Variants in CSRP3 observed in about 807,000 individuals in gnomAD.
The protein encoded by CSRP3 is cysteine and glycine-rich protein 3.
Under a neutral mutation model 24.3 loss-of-function variants are expected in CSRP3, and 24 were observed. The ratio of observed to expected loss-of-function variants is 0.99; its 90% confidence interval spans 0.71 to 1.39. The LOEUF is 1.39. Ranked by LOEUF, CSRP3 falls within the 40% of genes most tolerant of loss-of-function variation. The probability of loss-of-function intolerance (pLI) is 0.00; values close to 1 mark genes in which losing one functional copy is unlikely to be tolerated. For missense variants in CSRP3, 240 were observed against 249.0 expected (o/e 0.96, Z 0.24); for synonymous variants, 105 against 94.0 (o/e 1.12, Z -0.68).
intron 1 of CSRP3, among the ~76,000 whole-genome samples, chr11:19,197,558 T>TCTTA (rs1554968717): frequency 7.1e-6 from 1 of 141,492 alleles, no homozygotes; most frequent in Non-Finnish European, 1.5e-5. Flanking sequence ...TTTCTTTCTT[T>TCTTA]CTTTCTTTCT....
intron 4 of CSRP3, 87 bp downstream of exon 4, chr11:19,186,129 C>T: frequency 6.4e-7 from 1 of 1,557,864 alleles, no homozygotes; most frequent in South Asian, 1.1e-5. Flanking sequence ...ATGACAGCTG[C>T]TTGCAGCTCC....
chr11:19,184,404 G>A (rs928115315), intron 5 of CSRP3, among the ~76,000 whole-genome samples: 2 of 152,296 alleles, frequency 1.3e-5, no homozygotes, highest in Middle Eastern at 3.4e-3. Flanking sequence ...AGAGCTGCAA[G>A]GACCAGGAGG....
chr11:19,201,123 G>A (rs1386465863), intron 1 of CSRP3, among the ~76,000 whole-genome samples: 1 of 151,958 alleles, frequency 6.6e-6, no homozygotes, highest in South Asian at 2.1e-4. Context: ...TCACACCTAT[G>A]TCTGTCATTC....
rs773411006 is a variant in CSRP3 at position 19,186,337 on chromosome 11, G to A, written c.293C>T (p.Pro98Leu). ...GTTGCTGGTGGTAACTGAGCGTGCC[G>A]GCTTTGGGGACCTGTTGGAAATAGA... ...LGLQFQQSPK[P>L]ARSVTTSNPS... The change falls in exon 4 of 6, where the codon CCG becomes CTG. Residue 98 changes from proline to leucine, a missense_variant. Coordinates refer to ENST00000265968, the MANE Select transcript of CSRP3 (RefSeq NM_003476.5). 8.1e-6 allele frequency: 13 copies of A among 1,614,088 alleles called. No individual in the cohort carries two copies. Among genetic ancestry groups the A allele is most frequent in the Admixed American group, 3.3e-5 (2 of 60,006 alleles).
Position 19,182,595 on chromosome 11 carries a change from A to G in CSRP3, c.*75T>C. On this transcript the variant is annotated 3_prime_UTR_variant, in exon 6 of 6. Coordinates refer to ENST00000265968, the MANE Select transcript of CSRP3 (RefSeq NM_003476.5). ...ACTACAAAGGAGAGGCTATTTGGGG[A>G]AAGGTATCGATCTGTGCAGGATTAC... The G allele has an allele frequency of 8.5e-7, 1 of 1,182,816 alleles. No individual in the cohort carries two copies. Among genetic ancestry groups the G allele is most frequent in the East Asian group, 2.3e-5 (1 of 42,906 alleles). 73.3% of individuals were successfully genotyped at this position (1,182,816 alleles called of 1,614,324 possible). A position where few individuals can be genotyped will look rare whatever the true frequency, so the allele number is the denominator to read the frequency against.
At chr11:19,193,701 C>T (rs1328302056) in intron 1 of CSRP3, among the ~76,000 whole-genome samples, 1 of 152,030 alleles carries the variant, frequency 6.6e-6, no homozygotes, top group African/African-American at 2.4e-5. Flanking sequence ...ACCTGTAATC[C>T]CAGCTGCTTG....
At chr11:19,191,184 G>A (rs1214602251) in intron 2 of CSRP3, among the ~76,000 whole-genome samples, 3 of 152,206 alleles carry the variant, frequency 2.0e-5, no homozygotes, top group African/African-American at 7.2e-5. Flanking sequence ...AAATCTCAGT[G>A]AGTACATGGC....
intron 1 of CSRP3, among the ~76,000 whole-genome samples, chr11:19,194,189 A>C (rs1267498419): frequency 6.6e-6 from 1 of 152,192 alleles, no homozygotes; most frequent in Non-Finnish European, 1.5e-5. Flanking sequence ...TTTTGCTAAG[A>C]AACAGAAAGT....
chr11:19,188,139 T>G lies in CSRP3; in HGVS notation c.278A>C (p.Gln93Pro), dbSNP rs2133510956. ...GGGGAGCAGGGCAGTAACTCACTGT[T>G]GGAACTGCAGGCCGAGATGCTCGCC... ...DTGEHLGLQF[Q>P]QSPKPARSVT... The change falls in exon 3 of 6, where the codon CAA becomes CCA. Residue 93 changes from glutamine to proline, a missense_variant. Coordinates refer to ENST00000265968, the MANE Select transcript of CSRP3 (RefSeq NM_003476.5). 1 of 1,614,172 alleles carries G rather than the reference T, an allele frequency of 6.2e-7. No individual in the cohort carries two copies. The highest frequency in any genetic ancestry group is 8.5e-7 in the Non-Finnish European group (1 of 1,180,020).
intron 4 of CSRP3, among the ~76,000 whole-genome samples, 160 bp from the exon 5 acceptor site, chr11:19,185,205 T>C (rs934341274): frequency 3.3e-5 from 5 of 152,272 alleles, no homozygotes; most frequent in Admixed American, 1.3e-4. Context: ...GAAAATGAGA[T>C]GCTATGGCCT....
intron 1 of CSRP3, among the ~76,000 whole-genome samples, chr11:19,196,100 T>TA (rs1209006971): frequency 6.6e-6 from 1 of 152,028 alleles, no homozygotes; most frequent in Non-Finnish European, 1.5e-5. Flanking sequence ...CCATCTCTAC[T>TA]AAAAATACAA....
chr11:19,186,182 G>T, intron 4 of CSRP3, 34 bp downstream of exon 4: 1 of 1,614,072 alleles, frequency 6.2e-7, no homozygotes. Context: ...GTGGAGATGA[G>T]CAAATTCTGT....
At chr11:19,201,879 T>C (rs781622616) in intron 1 of CSRP3, 75 bp downstream of exon 1, 4 of 152,398 alleles carry the variant, frequency 2.6e-5, no homozygotes, top group African/African-American at 9.7e-5. Context: ...TCTTACTCTA[T>C]GGGACCCTTT....
chr11:19,182,834 A>C, intron 5 of CSRP3, 88 bp from the exon 6 acceptor site: 2 of 936,830 alleles, frequency 2.1e-6, no homozygotes, highest in Non-Finnish European at 1.8e-6. Context: ...CAGTCCTTTT[A>C]ATTATTAGAG....
At chr11:19,193,133 A>G (rs535293554) in intron 1 of CSRP3, among the ~76,000 whole-genome samples, 1 of 152,280 alleles carries the variant, frequency 6.6e-6, no homozygotes, top group African/African-American at 2.4e-5. Flanking sequence ...GAATATAATC[A>G]CCTAGGCTAT....
chr11:19,186,477 G>T, intron 3 of CSRP3, 129 bp from the exon 4 acceptor site: 1 of 1,193,170 alleles, frequency 8.4e-7, no homozygotes, highest in Non-Finnish European at 1.2e-6. Context: ...TGGGGATAAT[G>T]ATGGTGTCTT....
chr11:19,184,975 T>G lies in CSRP3; in HGVS notation c.485A>C (p.Lys162Thr). Residue 162 changes from lysine to threonine, a missense_variant, in exon 5 of 6, where the codon AAA becomes ACA. Coordinates refer to ENST00000265968, the MANE Select transcript of CSRP3 (RefSeq NM_003476.5). Reference protein sequence around the residue: ...KSLESTNVTDKDGELYCKVCY... With the variant: ...KSLESTNVTDTDGELYCKVCY... ...ACCTTTGCAATAAAGTTCCCCATCT[T>G]TGTCAGTGACATTTGTGGACTCCAG... The G allele has an allele frequency of 6.2e-7, 1 of 1,613,912 alleles. No individual in the cohort carries two copies. Among genetic ancestry groups the G allele is most frequent in the Non-Finnish European group, 8.5e-7 (1 of 1,179,730 alleles).
rs61603485 is a variant in CSRP3 at position 19,183,688 on chromosome 11, C to G, written c.509-942G>C. ...TATGAGCTATGAAGGCTGAGGACCC[C>G]GTAGGTCTTCTACTGCCAGGAGACG... On this transcript the variant is annotated intron_variant, in intron 5 of 5. Coordinates refer to ENST00000265968, the MANE Select transcript of CSRP3 (RefSeq NM_003476.5). 2.0e-5 allele frequency among the ~76,000 whole-genome samples: 3 copies of G among 152,208 alleles called. 1 individual carries two copies. In the South Asian group the frequency reaches 6.2e-4, roughly 32 times the overall value.
chr11:19,195,459 T>C (rs1314086712), intron 1 of CSRP3, among the ~76,000 whole-genome samples: 1 of 152,244 alleles, frequency 6.6e-6, no homozygotes, highest in Non-Finnish European at 1.5e-5. Context: ...ATTTTGCTCA[T>C]GTTCATTTTG....
Sources: gnomAD v4.1 joint callset for allele counts (sites outside exome capture counted in the v4.1 genomes callset) on GRCh38, gnomAD v4.1.1 for gene constraint, MANE v1.5 for transcripts, NCBI Gene and HGNC (gene_info 2026-07-23, HGNC 2026-07-21) for gene names.